Variants in MGAT5B observed in about 807,000 individuals in gnomAD.
The protein encoded by MGAT5B is alpha-1,6-mannosylglycoprotein 6-beta-N-acetylglucosaminyltransferase B.
Under a neutral mutation model 95.1 loss-of-function variants are expected in MGAT5B, and 54 were observed. That is an observed-to-expected ratio of 0.57 (90% CI 0.46 to 0.71). The LOEUF (loss-of-function observed/expected upper bound fraction) is 0.71, where lower values mean the gene tolerates loss of function less well. Ranked by LOEUF, MGAT5B falls within the 30% of genes least tolerant of loss-of-function variation. MGAT5B has a pLI of 0.00. For synonymous variants in MGAT5B, 464 were observed against 451.0 expected (o/e 1.03, Z -0.36); for missense variants, 935 against 1,088.6 (o/e 0.86, Z 1.99).
At chr17:76,886,327 T>G (rs781386914) in intron 3 of MGAT5B, among the ~76,000 whole-genome samples, 63 of 152,082 alleles carry the variant, frequency 4.1e-4, no homozygotes, top group Non-Finnish European at 8.2e-4. Flanking sequence ...CAGTGGCCCC[T>G]CAGAGTGGGG....
intron 1 of MGAT5B, among the ~76,000 whole-genome samples, chr17:76,871,408 T>C (rs1377450001): frequency 1.3e-5 from 2 of 152,192 alleles, no homozygotes; most frequent in Non-Finnish European, 2.9e-5. Flanking sequence ...TCCTTCCTGC[T>C]GGGGGTGTGG....
intron 3 of MGAT5B, among the ~76,000 whole-genome samples, chr17:76,882,813 C>T (rs2145136960): frequency 6.8e-6 from 1 of 148,134 alleles, no homozygotes; most frequent in Non-Finnish European, 1.5e-5. Context: ...CTCCTGGGTT[C>T]AAGCGATCCT....
At chr17:76,879,781 T>C (rs1338152025) in intron 2 of MGAT5B, among the ~76,000 whole-genome samples, 1 of 152,218 alleles carries the variant, frequency 6.6e-6, no homozygotes, top group Admixed American at 6.5e-5. Context: ...GAGAGTGATC[T>C]GAAAAAGTAA....
chr17:76,939,028 G>A, intron 13 of MGAT5B, among the ~76,000 whole-genome samples: 1 of 101,316 alleles, frequency 9.9e-6, no homozygotes, highest in African/African-American at 3.6e-5. Flanking sequence ...GGCATCTTGG[G>A]GGTGTGTGTG....
rs933635005 is a variant in MGAT5B, at chr17:76,869,940, C to T, written c.68+843C>T. Among the ~76,000 whole-genome samples, 2 of 152,074 alleles carry T rather than the reference C, an allele frequency of 1.3e-5. No homozygotes were observed. Among genetic ancestry groups the T allele is most frequent in the African/African-American group, 4.8e-5 (2 of 41,426 alleles). The stretch of plus-strand genomic sequence containing the variant: ...AGGCATCCGCGGAACCGGCCCGCAG[C>T]GGGGTGGGGAGGGGGCGCTGCCCAG... On this transcript the variant is annotated intron_variant, in intron 1 of 17. Transcript: ENST00000569840. This position sits in a 1 kb window ranked among gnomAD's most constrained non-coding sequence, Gnocchi z 7.0.
In MGAT5B at chr17:76,915,985, G is replaced by A. The variant is rs906473261; in HGVS notation, c.1026-8981G>A. ...TAGGCAGAAGACCTACCTAGACTGC[G>A]GGTAAGGGGACAGAGAGGGAGCAGG... On this transcript the variant is annotated intron_variant, in intron 8 of 17. Coordinates refer to ENST00000569840, the MANE Select transcript of MGAT5B (RefSeq NM_001199172.2). The surrounding 1 kb of genome is among the most constrained non-coding windows in gnomAD (Gnocchi z 8.7). 7.2e-5 allele frequency among the ~76,000 whole-genome samples: 11 copies of A among 152,228 alleles called. No individual in the cohort carries two copies. In the East Asian group the frequency reaches 7.7e-4, roughly 11 times the overall value.
intron 13 of MGAT5B, among the ~76,000 whole-genome samples, chr17:76,939,039 T>G (rs959341144): frequency 1.2e-4 from 17 of 146,190 alleles, no homozygotes; most frequent in African/African-American, 4.0e-4. Context: ...GGTGTGTGTG[T>G]GTGTGTGTGT....
intron 11 of MGAT5B, among the ~76,000 whole-genome samples, chr17:76,933,072 A>G (rs1365449786): frequency 1.3e-5 from 2 of 152,228 alleles, no homozygotes; most frequent in Non-Finnish European, 2.9e-5. Context: ...ATGTAAGCCC[A>G]GCAAGGGCGT....
intron 8 of MGAT5B, chr17:76,913,893 T>C (rs967122862): frequency 2.8e-5 from 12 of 421,684 alleles, no homozygotes; most frequent in Non-Finnish European, 5.3e-5. Context: ...GGAGGATTGC[T>C]TGATTCCAGG....
chr17:76,876,377 G>C (rs984798233), intron 2 of MGAT5B, among the ~76,000 whole-genome samples: 3 of 151,192 alleles, frequency 2.0e-5, no homozygotes, highest in African/African-American at 7.3e-5. Flanking sequence ...TGCACGTTTT[G>C]TTACCCAAAA....
At chr17:76,883,225 C>T (rs1486185206) in intron 3 of MGAT5B, among the ~76,000 whole-genome samples, 1 of 151,998 alleles carries the variant, frequency 6.6e-6, no homozygotes, top group African/African-American at 2.4e-5. Flanking sequence ...GTCTCGAACT[C>T]CTGACCTCAG....
rs2145115321 is a variant in MGAT5B, at chr17:76,874,302, T to A, written c.181+1339T>A. Among the ~76,000 whole-genome samples, 4 of 152,108 alleles carry A rather than the reference T, an allele frequency of 2.6e-5. No individual in the cohort carries two copies. In the South Asian group the frequency reaches 8.3e-4, roughly 32 times the overall value. ...GAGCACTCCATCAATACTTAATGGA[T>A]GTGTCGAGTCTGAAATGGGGGCACT... On this transcript the variant is annotated intron_variant, in intron 2 of 17. Coordinates refer to ENST00000569840, the MANE Select transcript of MGAT5B (RefSeq NM_001199172.2).
At position 76,940,924 on chromosome 17, in the gene MGAT5B, C is replaced by A; in HGVS notation, c.1848+76C>A. ...TCTTCACTCTGATTAGAAAACGGTGCCCCCCTCTGGGTGAGTTCAGACTTG... is the reference window on the plus strand; with the variant it reads ...TCTTCACTCTGATTAGAAAACGGTGACCCCCTCTGGGTGAGTTCAGACTTG... On this transcript the variant is annotated intron_variant, in intron 15 of 17. Coordinates refer to ENST00000569840, the MANE Select transcript of MGAT5B (RefSeq NM_001199172.2). The surrounding 1 kb of genome is among the most constrained non-coding windows in gnomAD (Gnocchi z 4.3). The A allele has an allele frequency of 7.7e-7, 1 of 1,304,304 alleles. No homozygotes were observed. Among genetic ancestry groups the A allele is most frequent in the Non-Finnish European group, 1.1e-6 (1 of 915,666 alleles). 80.8% of individuals were successfully genotyped at this position (1,304,304 alleles called of 1,614,324 possible).
chr17:76,904,784 T>A (rs1241761069), intron 6 of MGAT5B, among the ~76,000 whole-genome samples: 2 of 152,244 alleles, frequency 1.3e-5, no homozygotes, highest in Non-Finnish European at 2.9e-5. Flanking sequence ...TGACAGACGA[T>A]GCATCTGAGG....
chr17:76,899,082 G>A (rs555491056), intron 3 of MGAT5B, among the ~76,000 whole-genome samples: 105 of 152,348 alleles, frequency 6.9e-4, no homozygotes, highest in Middle Eastern at 3.4e-3. Context: ...GAGGAGCCTC[G>A]CTCCAGGGAG....
chr17:76,947,836 T>G lies in MGAT5B; in HGVS notation c.1930T>G (p.Cys644Gly). ...ACTGCTCTCCTCCTTGCAGGACTTC[T>G]GCAGAGCTCCAGACCCTGCCCTACC... ...IHAYIQHQDF[C>G]RAPDPALPEA... The change falls in exon 17 of 18, where the codon TGC (cysteine) becomes GGC (glycine). Residue 644 changes from cysteine (C) to glycine (G), a missense_variant. Coordinates refer to ENST00000569840, the MANE Select transcript of MGAT5B (RefSeq NM_001199172.2). 1 of 1,561,350 alleles carries G rather than the reference T, an allele frequency of 6.4e-7. No homozygotes were observed. Among genetic ancestry groups the G allele is most frequent in the Middle Eastern group, 1.8e-4 (1 of 5,472 alleles).
rs1034196415 is a variant in MGAT5B, at chr17:76,918,389, A to G, written c.1026-6577A>G. Among the ~76,000 whole-genome samples the G allele has an allele frequency of 1.3e-5, 2 of 152,190 alleles. No individual in the cohort carries two copies. Among genetic ancestry groups the G allele is most frequent in the Non-Finnish European group, 2.9e-5 (2 of 68,022 alleles). The stretch of plus-strand genomic sequence containing the variant: ...ACAGGGTACATGCTGGGGATGCTCA[A>G]GGGCATCGCCTTTTCAGGAGATGGG... On this transcript the variant is annotated intron_variant, in intron 8 of 17. Coordinates refer to ENST00000569840, the MANE Select transcript of MGAT5B (RefSeq NM_001199172.2). This position sits in a 1 kb window ranked among gnomAD's most constrained non-coding sequence, Gnocchi z 5.1.
At chr17:76,883,582 C>G (rs373855274) in intron 3 of MGAT5B, among the ~76,000 whole-genome samples, 1 of 152,098 alleles carries the variant, frequency 6.6e-6, no homozygotes. Flanking sequence ...CCAACTGGCC[C>G]CTAGAGGTGG....
chr17:76,942,858 C>T (rs574391758), intron 15 of MGAT5B, among the ~76,000 whole-genome samples: 6 of 152,308 alleles, frequency 3.9e-5, no homozygotes, highest in African/African-American at 1.4e-4. Flanking sequence ...CTGCTCTCCT[C>T]CCTCTCCCCT....
Sources: allele counts gnomAD v4.1 joint callset (sites outside exome capture counted in the v4.1 genomes callset), GRCh38; gene constraint gnomAD v4.1.1; non-coding constraint Gnocchi (gnomAD v3.1); transcripts MANE v1.5; gene names NCBI Gene and HGNC (gene_info 2026-07-23, HGNC 2026-07-21).